Variants in ANXA10 observed in about 807,000 individuals in gnomAD.
The protein encoded by ANXA10 is annexin A10.
ANXA10 carries 49 observed loss-of-function variants against 53.5 expected under a neutral mutation model. The ratio of observed to expected loss-of-function variants is 0.92; its 90% CI spans 0.73 to 1.16. ANXA10 has a LOEUF of 1.16. Among genes scored for constraint, ANXA10 ranks in the 50% most tolerant of loss-of-function variants. The pLI is 0.00. For synonymous variants in ANXA10, 131 were observed against 128.9 expected (o/e 1.02, Z -0.11); for missense variants, 393 against 394.4 (o/e 1.00, Z 0.03).
At chr4:168,152,984 A>C (rs1731523392) in intron 3 of ANXA10, among the ~76,000 whole-genome samples, 1 of 152,060 alleles carries the variant, frequency 6.6e-6, no homozygotes, top group African/African-American at 2.4e-5. Context: ...CTAGGACTAC[A>C]GGTGCATGCC....
intron 6 of ANXA10, 148 bp from the exon 7 acceptor site, chr4:168,177,592 T>A (rs1235893920): frequency 1.4e-6 from 1 of 724,408 alleles, no homozygotes; most frequent in African/African-American, 1.8e-5. Flanking sequence ...AAAGTATTCA[T>A]GAAATCAGGA....
At chr4:168,119,759 A>ATGGGGTGC (rs1158474174) in intron 1 of ANXA10, among the ~76,000 whole-genome samples, 2 of 152,162 alleles carry the variant, frequency 1.3e-5, no homozygotes, top group African/African-American at 4.8e-5. Context: ...ATTTCTAATT[A>ATGGGGTGC]TGGGGTGCAT....
chr4:168,117,234 T>A (rs1026388976), intron 1 of ANXA10, among the ~76,000 whole-genome samples: 2 of 151,864 alleles, frequency 1.3e-5, no homozygotes, highest in Non-Finnish European at 2.9e-5. Flanking sequence ...CAGAAAAAAA[T>A]CCTGTCTCAA....
intron 6 of ANXA10, among the ~76,000 whole-genome samples, chr4:168,166,928 C>A (rs540320615): frequency 6.6e-6 from 1 of 151,960 alleles, no homozygotes; most frequent in Non-Finnish European, 1.5e-5. Flanking sequence ...ATCTATAGTC[C>A]AGGTGGAGGG....
intron 3 of ANXA10, among the ~76,000 whole-genome samples, chr4:168,143,599 A>G (rs1331330503): frequency 6.6e-6 from 1 of 152,244 alleles, no homozygotes; most frequent in African/African-American, 2.4e-5. Flanking sequence ...CAATGCAGTG[A>G]CACCAAGGGA....
chr4:168,159,880 A>G (rs1731750882), intron 3 of ANXA10, among the ~76,000 whole-genome samples: 1 of 152,306 alleles, frequency 6.6e-6, no homozygotes, highest in Non-Finnish European at 1.5e-5. Flanking sequence ...AGTTATTTCA[A>G]TGTGGAATCT....
intron 2 of ANXA10, among the ~76,000 whole-genome samples, chr4:168,131,234 G>A (rs1159791861): frequency 6.6e-6 from 1 of 151,946 alleles, no homozygotes. Context: ...AGTCTCATGT[G>A]TATTTAGAAG....
intron 1 of ANXA10, chr4:168,127,660 G>A (rs1384498483): frequency 5.5e-6 from 2 of 365,742 alleles, no homozygotes; most frequent in Non-Finnish European, 1.1e-5. Context: ...AAACACAGTA[G>A]AGACCAACAG....
At chr4:168,133,319 A>G (rs143115343) in intron 2 of ANXA10, among the ~76,000 whole-genome samples, 1 of 152,160 alleles carries the variant, frequency 6.6e-6, no homozygotes, top group Non-Finnish European at 1.5e-5. Flanking sequence ...TCCATAAAAA[A>G]TAATAGAAAA....
intron 3 of ANXA10, among the ~76,000 whole-genome samples, chr4:168,143,052 A>G (rs1208989226): frequency 6.6e-6 from 1 of 152,172 alleles, no homozygotes; most frequent in Non-Finnish European, 1.5e-5. Context: ...TTTTTTAAAG[A>G]AAAGGAAAAG....
At chr4:168,155,474 A>ATATTATATATTATATAATTTAT (rs1423882288) in intron 3 of ANXA10, among the ~76,000 whole-genome samples, 8 of 16,288 alleles carry the variant, frequency 4.9e-4, no homozygotes, top group African/African-American at 3.0e-3. Context: ...ATATAATTAT[A>ATATTATATATTATATAATTTAT]AATTATATAT....
intron 4 of ANXA10, among the ~76,000 whole-genome samples, chr4:168,163,863 TG>T (rs1279377779): frequency 6.6e-6 from 1 of 152,182 alleles, no homozygotes; most frequent in African/African-American, 2.4e-5. Context: ...CAGCAGCAAA[TG>T]GAATATCAAA....
intron 6 of ANXA10, among the ~76,000 whole-genome samples, chr4:168,176,772 G>A (rs149600555): frequency 1.4e-3 from 207 of 152,162 alleles, no homozygotes; most frequent in African/African-American, 4.7e-3. Flanking sequence ...AGGCTGAGAC[G>A]GAAGAATCAC....
intron 2 of ANXA10, among the ~76,000 whole-genome samples, chr4:168,128,674 A>G (rs1320533934): frequency 6.6e-6 from 1 of 152,110 alleles, no homozygotes; most frequent in Non-Finnish European, 1.5e-5. Context: ...TTCTTCAAGA[A>G]TCTGTTCAGA....
intron 2 of ANXA10, among the ~76,000 whole-genome samples, chr4:168,132,704 A>T (rs148134235): frequency 6.6e-6 from 1 of 152,086 alleles, no homozygotes; most frequent in Non-Finnish European, 1.5e-5. Flanking sequence ...CTTATTTCAT[A>T]TTGCATGCCT....
At position 168,181,819 on chromosome 4, in the gene ANXA10, T is replaced by C. The variant is rs1578940866; in HGVS notation, c.783+78T>C. 1.3e-5 allele frequency: 14 copies of C among 1,095,278 alleles called. 1 individual carries two copies. The highest frequency in any genetic ancestry group is 1.1e-4 in the Admixed American group (6 of 53,412). The allele number at this position is 1,095,278 out of a possible 1,614,324, so 67.8% of individuals were successfully genotyped here. ...CAAAGGATTAATTTTACTTCCATCA[T>C]TTAAATGTTCATTACCATTTTTGAA... On this transcript the variant is annotated intron_variant, in intron 10 of 11. Transcript: ENST00000359299.
At chr4:168,141,623 G>A (rs1731326626) in intron 3 of ANXA10, among the ~76,000 whole-genome samples, 1 of 152,180 alleles carries the variant, frequency 6.6e-6, no homozygotes, top group Non-Finnish European at 1.5e-5. Context: ...TAATGGCCAA[G>A]TGACAATTCA....
At chr4:168,163,360 A>G (rs919733478) in intron 4 of ANXA10, among the ~76,000 whole-genome samples, 5 of 152,196 alleles carry the variant, frequency 3.3e-5, no homozygotes, top group Admixed American at 6.5e-5. Context: ...TGACCAGATT[A>G]CCACAATCTG....
intron 1 of ANXA10, among the ~76,000 whole-genome samples, chr4:168,107,339 T>C (rs1368920432): frequency 2.6e-5 from 4 of 152,190 alleles, no homozygotes; most frequent in Admixed American, 1.3e-4. Flanking sequence ...TGAATATCTC[T>C]CTGACATTGC....
Sources: allele counts gnomAD v4.1 joint callset (sites outside exome capture counted in the v4.1 genomes callset), GRCh38; gene constraint gnomAD v4.1.1; transcripts MANE v1.5; gene names NCBI Gene and HGNC (gene_info 2026-07-23, HGNC 2026-07-21).